The following SFMBT2 variants were observed in gnomAD, a reference collection of about 807,000 sequenced individuals.
SFMBT2 encodes the protein Scm like with four mbt domains 2.
Under a neutral mutation model 110.1 loss-of-function variants are expected in SFMBT2, and 38 were observed. That is an observed-to-expected ratio of 0.35 (90% CI 0.27 to 0.45). The LOEUF (loss-of-function observed/expected upper bound fraction) is 0.45, where lower values mean the gene tolerates loss of function less well. Ranked by LOEUF, SFMBT2 falls within the 20% of genes least tolerant of loss-of-function variation. The pLI, the probability that SFMBT2 is intolerant of heterozygous loss-of-function variation, is 1.00. For synonymous variants in SFMBT2, 425 were observed against 425.4 expected, an observed-to-expected ratio of 1.00 and a Z score of 0.01; for missense variants, 1,011 against 1,094.9, an observed-to-expected ratio of 0.92 and a Z score of 1.08.
chr10:7,189,123 A>G (rs1293768833), intron 15 of SFMBT2: 15 of 981,122 alleles, frequency 1.5e-5, no homozygotes, highest in South Asian at 4.7e-5. Flanking sequence ...TACAGATTTC[A>G]TAAGGAACTA....
intron 7 of SFMBT2, chr10:7,264,161 T>C (rs1178876990): frequency 4.1e-6 from 1 of 244,252 alleles, no homozygotes; most frequent in Non-Finnish European, 6.6e-6. Flanking sequence ...TATTTTAGCC[T>C]TCTCTACATG....
At chr10:7,274,640 C>T (rs1032973512) in intron 7 of SFMBT2, among the ~76,000 whole-genome samples, 2 of 152,174 alleles carry the variant, frequency 1.3e-5, no homozygotes, top group African/African-American at 4.8e-5. Flanking sequence ...AATTAAACCT[C>T]TTTCCTTTAT....
chr10:7,280,688 G>C (rs1841926542), intron 6 of SFMBT2, among the ~76,000 whole-genome samples: 2 of 152,136 alleles, frequency 1.3e-5, no homozygotes, highest in South Asian at 4.1e-4. Context: ...CCACTCAGCA[G>C]CCCAGCAAGA....
intron 15 of SFMBT2, among the ~76,000 whole-genome samples, chr10:7,195,544 A>G (rs1259897349): frequency 1.3e-5 from 2 of 152,220 alleles, no homozygotes; most frequent in African/African-American, 2.4e-5. Flanking sequence ...CCCTGGTACA[A>G]TGGCCAGGCC....
chr10:7,172,349 A>C lies in SFMBT2; in HGVS notation c.2151+146T>G. 1 of 1,484,822 alleles carries C rather than the reference A, an allele frequency of 6.7e-7. No individual in the cohort carries two copies. Among genetic ancestry groups the C allele is most frequent in the Non-Finnish European group, 8.9e-7 (1 of 1,120,054 alleles). The allele number at this position is 1,484,822 out of a possible 1,614,324, so 92.0% of individuals were successfully genotyped here. On this transcript the variant is annotated intron_variant, in intron 18 of 20. Coordinates refer to ENST00000397167, the MANE Select transcript of SFMBT2 (RefSeq NM_001387889.1). The surrounding 1 kb of genome is among the most constrained non-coding windows in gnomAD (Gnocchi z 4.6). ...TGGACACACTACATTTGTTTTCAGC[A>C]AGTAAGGAGGAGGGGGCTCTTCTTC...
At chr10:7,245,264 C>T (rs753385664) in intron 8 of SFMBT2, among the ~76,000 whole-genome samples, 1 of 152,098 alleles carries the variant, frequency 6.6e-6, no homozygotes, top group Non-Finnish European at 1.5e-5. Flanking sequence ...ATAAAAGCTC[C>T]ACAATGGGAA....
intron 13 of SFMBT2, chr10:7,200,970 TG>T: frequency 2.2e-6 from 1 of 456,922 alleles, no homozygotes; most frequent in Non-Finnish European, 2.9e-6. Flanking sequence ...ATCTATAAAC[TG>T]GCATATCTTA....
chr10:7,269,717 T>TGTGC (rs1841517201), intron 7 of SFMBT2, among the ~76,000 whole-genome samples: 1 of 3,248 alleles, frequency 3.1e-4, no homozygotes, highest in African/African-American at 1.6e-3. Context: ...AGTGTGTGCG[T>TGTGC]GTGTGTGTGT....
At chr10:7,342,169 A>T (rs11595013) in intron 4 of SFMBT2, among the ~76,000 whole-genome samples, 105,915 of 151,600 alleles carry the variant, frequency 0.7, 37,244 homozygotes, top group African/African-American at 0.74. Context: ...AGCGAATTGG[A>T]TAGTACTAAA....
Position 7,170,879 on chromosome 10 carries a change from A to T in SFMBT2, c.2544+49T>A. On this transcript the variant is annotated intron_variant, in intron 20 of 20. Coordinates refer to ENST00000397167, the MANE Select transcript of SFMBT2 (RefSeq NM_001387889.1). This position sits in a 1 kb window ranked among gnomAD's most constrained non-coding sequence, Gnocchi z 4.6. ...GGCTAGGACACGAGGTTCATTTCAG[A>T]TGCAGAGTCTCAGCACATCAAACAA... 6.2e-7 allele frequency: 1 copy of T among 1,611,972 alleles called. No individual in the cohort carries two copies.
intron 9 of SFMBT2, chr10:7,241,291 C>G (rs1238257954): frequency 1.0e-6 from 1 of 967,114 alleles, no homozygotes; most frequent in Non-Finnish European, 1.2e-6. Context: ...TGAGAACAGA[C>G]TAGTACACTG....
chr10:7,277,374 T>C (rs1398745843), intron 6 of SFMBT2: 3 of 234,096 alleles, frequency 1.3e-5, no homozygotes, highest in Non-Finnish European at 2.1e-5. Context: ...TATTATCTGA[T>C]ACATTTCTAA....
intron 4 of SFMBT2, among the ~76,000 whole-genome samples, chr10:7,290,549 T>C (rs1842232077): frequency 6.6e-6 from 1 of 152,156 alleles, no homozygotes. Flanking sequence ...ATTATAAAGC[T>C]GCCGAGCTGG....
intron 3 of SFMBT2, chr10:7,368,145 A>C (rs565574795): frequency 4.5e-5 from 13 of 286,402 alleles, no homozygotes. Context: ...TATATCCAAA[A>C]CATTATCACC....
In SFMBT2 at chr10:7,171,989, G is replaced by A; in HGVS notation, c.2321C>T (p.Pro774Leu). 6.4e-7 allele frequency: 1 copy of A among 1,550,996 alleles called. No homozygotes were observed. The highest frequency in any genetic ancestry group is 1.2e-5 in the South Asian group (1 of 85,186). The change falls in exon 19 of 21, where the codon CCC becomes CTC. Residue 774 changes from proline (P) to leucine (L), a missense_variant. Pro to Leu is a moderately conservative substitution (Grantham distance 98). This residue lies in a region of SFMBT2 where 979 missense variants were observed against 1,016.1 expected (regional missense o/e 0.96). Coordinates refer to ENST00000397167, the MANE Select transcript of SFMBT2 (RefSeq NM_001387889.1). The surrounding 1 kb of genome is among the most constrained non-coding windows in gnomAD (Gnocchi z 4.9). ...GCGGCCCCTTCGTGTCCTCTCTGGG[G>A]GTGGCCGGCGCACGGGCTCTGAGCC... Reference protein sequence around the residue: ...RSGSEPVRRPPPERTRRGRGA... With the variant: ...RSGSEPVRRPLPERTRRGRGA...
At chr10:7,300,963 A>C (rs529232086) in intron 4 of SFMBT2, among the ~76,000 whole-genome samples, 1 of 152,244 alleles carries the variant, frequency 6.6e-6, no homozygotes, top group Admixed American at 6.5e-5. Flanking sequence ...TGTGTCGTAC[A>C]AAAGTCCAGA....
chr10:7,307,361 G>A (rs559376398), intron 4 of SFMBT2, among the ~76,000 whole-genome samples: 11 of 152,258 alleles, frequency 7.2e-5, no homozygotes, highest in African/African-American at 2.6e-4. Context: ...TTATATGGAA[G>A]TAAAGTGTCC....
chr10:7,277,889 G>T (rs1183058617), intron 6 of SFMBT2, among the ~76,000 whole-genome samples: 2 of 152,178 alleles, frequency 1.3e-5, no homozygotes, highest in Admixed American at 6.5e-5. Context: ...TTAATTTCTT[G>T]CATGTCTGCT....
intron 16 of SFMBT2, among the ~76,000 whole-genome samples, chr10:7,179,250 T>A (rs1262883196): frequency 1.3e-5 from 2 of 151,988 alleles, no homozygotes; most frequent in Non-Finnish European, 2.9e-5. Flanking sequence ...ATGCTTTAAA[T>A]CCTACAGCCT....
Sources: allele counts gnomAD v4.1 joint callset (sites outside exome capture counted in the v4.1 genomes callset), GRCh38; gene constraint gnomAD v4.1.1; regional missense constraint gnomAD v4.1.1; non-coding constraint Gnocchi (gnomAD v3.1); transcripts MANE v1.5; gene names NCBI Gene and HGNC (gene_info 2026-07-23, HGNC 2026-07-21).